Variants in CERKL observed in about 807,000 individuals in gnomAD.
CERKL encodes the protein CERK like autophagy regulator, also known as ceramide kinase-like protein.
A neutral mutation model predicts 63.4 loss-of-function variants in CERKL; 61 were observed. The ratio of observed to expected loss-of-function variants is 0.96; its 90% confidence interval spans 0.78 to 1.19. The LOEUF is 1.19. Among genes scored for constraint, CERKL ranks in the 50% most tolerant of loss-of-function variants. CERKL has a pLI of 0.00. For missense variants in CERKL, 675 were observed against 655.5 expected (o/e 1.03, Z -0.33); for synonymous variants, 250 against 230.5 (o/e 1.08, Z -0.77).
chr2:181,600,514 G>A (rs1685412275), intron 2 of CERKL, among the ~76,000 whole-genome samples: 1 of 152,104 alleles, frequency 6.6e-6, no homozygotes, highest in Non-Finnish European at 1.5e-5. Flanking sequence ...TGAAGGGATG[G>A]AGAAAGATCT....
In CERKL at chr2:181,558,698, CACAG is replaced by C. The variant is rs754490297; in HGVS notation, c.684_687del (p.Cys229LeufsTer10). 1 of 1,613,562 alleles carries C rather than the reference CACAG, an allele frequency of 6.2e-7. No homozygotes were observed. Among genetic ancestry groups the C allele is most frequent in the Non-Finnish European group, 8.5e-7 (1 of 1,179,744 alleles). ...TCGCTAGCAGATCCATCTCCACCAA[CACAG>C]ACAACACTAGAAAAATACAAATCAA... On this transcript the variant is annotated frameshift_variant, in exon 5 of 13. Coordinates refer to ENST00000410087, the MANE Select transcript of CERKL (RefSeq NM_201548.5). LOFTEE classifies it high-confidence loss of function. This position sits in a 1 kb window ranked among gnomAD's most constrained non-coding sequence, Gnocchi z 4.2.
chr2:181,548,235 G>T (rs1297543517), intron 8 of CERKL: 14 of 502,360 alleles, frequency 2.8e-5, no homozygotes, highest in Non-Finnish European at 4.9e-5. Flanking sequence ...CAAAAGAAAA[G>T]GGAAAGGGAA....
chr2:181,608,782 A>G (rs904661279), intron 1 of CERKL, among the ~76,000 whole-genome samples: 2 of 152,198 alleles, frequency 1.3e-5, no homozygotes, highest in Non-Finnish European at 2.9e-5. Context: ...GGAAAGGAGG[A>G]GTTGAAACTA....
At chr2:181,624,705 C>G (rs1473148619) in intron 1 of CERKL, among the ~76,000 whole-genome samples, 1 of 147,876 alleles carries the variant, frequency 6.8e-6, no homozygotes, top group Admixed American at 6.9e-5. Context: ...GAAGAGGCAA[C>G]AGGATTTGTT....
intron 1 of CERKL, among the ~76,000 whole-genome samples, chr2:181,623,259 G>C (rs1398760427): frequency 1.3e-5 from 2 of 152,128 alleles, no homozygotes; most frequent in Non-Finnish European, 2.9e-5. Flanking sequence ...AAGGTGATCA[G>C]AAAAGGATGA....
rs1387471173 is a variant in CERKL, at chr2:181,657,079, G to T, written c.-73C>A. The T allele has an allele frequency of 7.4e-7, 1 of 1,358,756 alleles. No homozygotes were observed. The highest frequency in any genetic ancestry group is 1.0e-6 in the Non-Finnish European group (1 of 978,320). 84.2% of individuals were successfully genotyped at this position (1,358,756 alleles called of 1,614,324 possible). ...GGAGAAGGAGGTGGAGGGCGCGGCA[G>T]CCCCAGCTCTAGCCGCGTCCAGCGC... On this transcript the variant is annotated 5_prime_UTR_variant, in exon 1 of 13. In the 5' UTR this introduces an upstream ATG that the reference lacks. Coordinates refer to ENST00000410087, the MANE Select transcript of CERKL (RefSeq NM_201548.5).
At chr2:181,541,211 T>C (rs530948763) in intron 11 of CERKL, among the ~76,000 whole-genome samples, 1 of 152,082 alleles carries the variant, frequency 6.6e-6, no homozygotes, top group Admixed American at 6.6e-5. Context: ...AATTTGGACA[T>C]AGGAAAAGGC....
At chr2:181,654,448 T>G (rs1175975254) in intron 1 of CERKL, among the ~76,000 whole-genome samples, 1 of 152,210 alleles carries the variant, frequency 6.6e-6, no homozygotes, top group African/African-American at 2.4e-5. Context: ...TCACATAGTA[T>G]TTTATTTCAT....
chr2:181,636,542 G>C (rs1374262403), intron 1 of CERKL, among the ~76,000 whole-genome samples: 1 of 151,742 alleles, frequency 6.6e-6, no homozygotes, highest in African/African-American at 2.4e-5. Flanking sequence ...TTCAGGTTGA[G>C]ACGCCAACTT....
chr2:181,620,100 T>G (rs1038979818), intron 1 of CERKL, among the ~76,000 whole-genome samples: 7 of 152,180 alleles, frequency 4.6e-5, no homozygotes, highest in African/African-American at 1.7e-4. Flanking sequence ...AAGGAAAAAG[T>G]GCTTAAACCT....
chr2:181,606,058 T>TA (rs575062007), intron 1 of CERKL, among the ~76,000 whole-genome samples: 26 of 139,866 alleles, frequency 1.9e-4, no homozygotes, highest in Non-Finnish European at 1.6e-5. Context: ...AAAGGGAAAT[T>TA]AAAAAAAGGA....
intron 1 of CERKL, among the ~76,000 whole-genome samples, chr2:181,607,414 C>A (rs1353814683): frequency 6.6e-6 from 1 of 152,198 alleles, no homozygotes; most frequent in Non-Finnish European, 1.5e-5. Flanking sequence ...CAGTGAGAGT[C>A]CCTTCAATCT....
intron 10 of CERKL, among the ~76,000 whole-genome samples, chr2:181,547,209 C>G (rs1687768356): frequency 6.6e-6 from 1 of 152,104 alleles, no homozygotes; most frequent in Non-Finnish European, 1.5e-5. Flanking sequence ...AGCATGAAAA[C>G]AGACTAATAC....
At chr2:181,553,230 C>T (rs1394608789) in intron 5 of CERKL, among the ~76,000 whole-genome samples, 1 of 152,128 alleles carries the variant, frequency 6.6e-6, no homozygotes, top group African/African-American at 2.4e-5. Context: ...TGGCCCTCTA[C>T]AGCCTGCCCT....
chr2:181,601,426 T>C (rs902035264), intron 2 of CERKL, among the ~76,000 whole-genome samples: 2 of 152,032 alleles, frequency 1.3e-5, no homozygotes, highest in Admixed American at 1.3e-4. Context: ...CCAGGCGTAG[T>C]GGCGGGTGCC....
chr2:181,552,857 A>C (rs1221470990), intron 5 of CERKL, among the ~76,000 whole-genome samples: 5 of 142,522 alleles, frequency 3.5e-5, no homozygotes, highest in Non-Finnish European at 6.0e-5. Context: ...TAGCAGTATT[A>C]ATGGAAGTAA....
rs1236158435 is a variant in CERKL, at chr2:181,626,165, C to T, written c.239-22086G>A. On this transcript the variant is annotated intron_variant, in intron 1 of 12. Coordinates refer to ENST00000410087, the MANE Select transcript of CERKL (RefSeq NM_201548.5). ...AATTACTTTAAAGAGTATAGTAATA[C>T]ACTATTATAATACTTCATTTGACTG... 4.6e-5 allele frequency among the ~76,000 whole-genome samples: 7 copies of T among 152,236 alleles called. No homozygotes were observed. In the South Asian group the frequency reaches 1.0e-3, roughly 23 times the overall value.
chr2:181,644,340 T>C (rs1687578267), intron 1 of CERKL, among the ~76,000 whole-genome samples: 1 of 152,246 alleles, frequency 6.6e-6, no homozygotes, highest in African/African-American at 2.4e-5. Flanking sequence ...ATTTTTCTCA[T>C]AGGTCACAGC....
chr2:181,652,166 AAC>A lies in CERKL; in HGVS notation c.238+4601_238+4602del, dbSNP rs1186251965. On this transcript the variant is annotated intron_variant, in intron 1 of 12. Transcript: ENST00000410087. ...TGTTACAATCTGAAAATTCATGCAG[AAC>A]CACAAAAAAAACCCCAAATAGCCAA... 2.2e-5 allele frequency among the ~76,000 whole-genome samples: 3 copies of A among 136,898 alleles called. No individual in the cohort carries two copies. The East Asian group carries it at 6.0e-4, about 27-fold the overall frequency. 89.8% of individuals were successfully genotyped at this position (136,898 alleles called of 152,430 possible). A position where few individuals can be genotyped will look rare whatever the true frequency, so the allele number is the denominator to read the frequency against.
Sources: gnomAD v4.1 joint callset for allele counts (sites outside exome capture counted in the v4.1 genomes callset) on GRCh38, gnomAD v4.1.1 for gene constraint, Gnocchi (gnomAD v3.1) non-coding constraint, MANE v1.5 for transcripts, NCBI Gene and HGNC (gene_info 2026-07-23, HGNC 2026-07-21) for gene names.